ARHGAP32: variants seen among roughly 807,000 people sequenced by gnomAD.
The protein encoded by ARHGAP32 is rho GTPase-activating protein 32.
Under a neutral mutation model 186.5 loss-of-function variants are expected in ARHGAP32, and 51 were observed. The observed-to-expected ratio is 0.27, with a 90% confidence interval of 0.22 to 0.35. The LOEUF (loss-of-function observed/expected upper bound fraction) is 0.35, where lower values mean the gene tolerates loss of function less well. ARHGAP32 is among the 10% of genes least tolerant of loss of function. The pLI is 1.00. For synonymous variants in ARHGAP32, 950 were observed against 964.3 expected (o/e 0.99, Z 0.27); for missense variants, 2,186 against 2,623.5 (o/e 0.83, Z 3.64).
At position 129,063,366 on chromosome 11, in the gene ARHGAP32, G is replaced by A. The variant is rs569096362; in HGVS notation, c.885+536C>T. 3.8e-4 allele frequency among the ~76,000 whole-genome samples: 58 copies of A among 152,034 alleles called. 2 individuals are homozygous for A. In the South Asian group the frequency reaches 0.012, roughly 31 times the overall value. On this transcript the variant is annotated intron_variant, in intron 9 of 22. Transcript: ENST00000682385. ...TCATTAGCCAATATATATCTTTAGA[G>A]GAAAAAATTTAATTCCCCTCCTTTT...
intron 1 of ARHGAP32, among the ~76,000 whole-genome samples, chr11:129,180,695 T>C (rs553605626): frequency 3.3e-5 from 5 of 152,158 alleles, no homozygotes; most frequent in Non-Finnish European, 7.4e-5. Context: ...GTTTCATATC[T>C]AACAAAAAAG....
chr11:129,193,068 T>C (rs1944298293), upstream of ARHGAP32, among the ~76,000 whole-genome samples: 1 of 151,970 alleles, frequency 6.6e-6, no homozygotes, highest in Non-Finnish European at 1.5e-5. Flanking sequence ...TTCATGGCTA[T>C]TTGTCTTTTA....
intron 1 of ARHGAP32, among the ~76,000 whole-genome samples, chr11:129,185,869 A>C (rs760610643): frequency 6.6e-5 from 10 of 152,084 alleles, no homozygotes; most frequent in Admixed American, 2.0e-4. Context: ...TTTTATTTTC[A>C]AATAGAGAAA....
chr11:129,047,371 T>C (rs1025962759), intron 10 of ARHGAP32, among the ~76,000 whole-genome samples: 4 of 152,194 alleles, frequency 2.6e-5, no homozygotes, highest in Non-Finnish European at 4.4e-5. Flanking sequence ...GTTGATATTC[T>C]ATAACAACAA....
At chr11:128,992,851 A>G (rs1320757876) in intron 12 of ARHGAP32, among the ~76,000 whole-genome samples, 4 of 152,206 alleles carry the variant, frequency 2.6e-5, no homozygotes, top group Admixed American at 2.6e-4. Flanking sequence ...ATGCTCAAAA[A>G]AAGTACTATG....
intron 1 of ARHGAP32, among the ~76,000 whole-genome samples, chr11:129,179,139 G>A (rs1338963996): frequency 4.6e-5 from 7 of 152,008 alleles, no homozygotes; most frequent in South Asian, 2.1e-4. Flanking sequence ...CGAAGGACAT[G>A]AACAGACACT....
At chr11:129,006,079 T>C (rs993804560) in intron 11 of ARHGAP32, among the ~76,000 whole-genome samples, 3 of 152,188 alleles carry the variant, frequency 2.0e-5, no homozygotes, top group Non-Finnish European at 2.9e-5. Context: ...GCTAGAGTCT[T>C]CTTAATTATT....
At chr11:129,041,898 T>C (rs1939609532) in intron 10 of ARHGAP32, among the ~76,000 whole-genome samples, 1 of 152,224 alleles carries the variant, frequency 6.6e-6, no homozygotes, top group Non-Finnish European at 1.5e-5. Flanking sequence ...AAAGCTGAAA[T>C]ATGAAAGCTC....
intron 10 of ARHGAP32, among the ~76,000 whole-genome samples, chr11:129,052,571 T>C (rs1365081726): frequency 2.0e-5 from 3 of 152,148 alleles, no homozygotes; most frequent in Non-Finnish European, 1.5e-5. Context: ...CTCTTAGCAA[T>C]GTTCTGTAGT....
rs772789061 is a variant in ARHGAP32, at chr11:128,973,405, T to C, written c.3101A>G (p.Asp1034Gly). The C allele has an allele frequency of 1.2e-5, 19 of 1,613,260 alleles. No individual in the cohort carries two copies. The highest frequency in any genetic ancestry group is 1.6e-5 in the Non-Finnish European group (19 of 1,179,536). The change falls in exon 22 of 23, where the codon GAT becomes GGT. Residue 1034 changes from aspartate to glycine, a missense_variant. Asp to Gly is a moderately conservative substitution (Grantham distance 94). Around this residue, in one of 5 missense-constraint regions of ARHGAP32, gnomAD observed 1,502 missense variants for 1,570.0 expected, o/e 0.96. Transcript: ENST00000682385. Reference protein sequence around the residue: ...TGAVTHDPPQDSVPVSSVSLI... With the variant: ...TGAVTHDPPQGSVPVSSVSLI... ...AGAGACTGAACTGACAGGAACGGAA[T>C]CCTGAGGGGGGTCATGGGTAACTGC...
chr11:129,164,221 A>G, intron 2 of ARHGAP32, 98 bp downstream of exon 2: 1 of 729,302 alleles, frequency 1.4e-6, no homozygotes, highest in South Asian at 2.1e-5. Context: ...CAAAGCAACA[A>G]AATTTTTTGT....
chr11:129,051,168 T>C (rs747697850), intron 10 of ARHGAP32, among the ~76,000 whole-genome samples: 3 of 152,210 alleles, frequency 2.0e-5, no homozygotes, highest in East Asian at 1.9e-4. Context: ...AGTAATGAGA[T>C]TGCTGAGTCA....
At position 129,173,967 on chromosome 11, in the gene ARHGAP32, T is replaced by C. The variant is rs1272810346; in HGVS notation, c.117-9540A>G. 7.2e-5 allele frequency among the ~76,000 whole-genome samples: 11 copies of C among 152,302 alleles called. 1 individual carries two copies. In the South Asian group the frequency reaches 2.3e-3, roughly 32 times the overall value. On this transcript the variant is annotated intron_variant, in intron 1 of 22. Transcript: ENST00000682385. ...GATGGCCAAATAGGAACAGCTCCGG[T>C]CCACAGCTCCCAGCGTGAGCGACGC... is the stretch of plus-strand genomic sequence containing the variant.
intron 6 of ARHGAP32, among the ~76,000 whole-genome samples, chr11:129,081,141 T>G (rs913494080): frequency 6.6e-6 from 1 of 151,812 alleles, no homozygotes; most frequent in Non-Finnish European, 1.5e-5. Flanking sequence ...CAAAAAAAAG[T>G]CCAGGACCAG....
chr11:129,177,679 A>G (rs1441941175), intron 1 of ARHGAP32, among the ~76,000 whole-genome samples: 2 of 152,232 alleles, frequency 1.3e-5, no homozygotes, highest in Non-Finnish European at 2.9e-5. Context: ...AGAACCAAAG[A>G]CAAAAACCAC....
intron 10 of ARHGAP32, among the ~76,000 whole-genome samples, chr11:129,056,272 A>G (rs963526594): frequency 1.3e-5 from 2 of 152,182 alleles, no homozygotes; most frequent in Non-Finnish European, 2.9e-5. Flanking sequence ...ACAAAAATCA[A>G]GTCTATTGAT....
intron 2 of ARHGAP32, among the ~76,000 whole-genome samples, chr11:129,141,259 G>A (rs1033804233): frequency 5.3e-5 from 8 of 151,284 alleles, no homozygotes; most frequent in African/African-American, 1.2e-4. Context: ...GTGCTTATAC[G>A]GATGTTCTGT....
chr11:129,229,394 T>C (rs1489427922), intron 1 of ARHGAP32, among the ~76,000 whole-genome samples: 2 of 152,138 alleles, frequency 1.3e-5, no homozygotes, highest in Non-Finnish European at 2.9e-5. Context: ...AATAATTTTC[T>C]GGAAGTTATG....
chr11:129,173,984 G>C (rs989792528), intron 1 of ARHGAP32, among the ~76,000 whole-genome samples: 1 of 152,374 alleles, frequency 6.6e-6, no homozygotes, highest in Middle Eastern at 3.4e-3. Flanking sequence ...CTCCCAGCGT[G>C]AGCGACGCAG....
Sources: gnomAD v4.1 joint callset for allele counts (sites outside exome capture counted in the v4.1 genomes callset) on GRCh38, gnomAD v4.1.1 for gene constraint, gnomAD v4.1.1 regional missense constraint, MANE v1.5 for transcripts, NCBI Gene and HGNC (gene_info 2026-07-23, HGNC 2026-07-21) for gene names.